FH: variants seen among roughly 807,000 people sequenced by gnomAD.
The protein encoded by FH is fumarate hydratase, mitochondrial.
In FH, 22 loss-of-function variants were observed where a neutral mutation model predicts 49.4. The observed-to-expected ratio is 0.45, with a 90% CI of 0.32 to 0.64. The LOEUF is 0.64. FH is among the 30% of genes least tolerant of loss of function. The pLI, the probability that FH is intolerant of heterozygous loss-of-function variation, is 0.05. For missense variants in FH, 526 were observed against 641.5 expected (o/e 0.82, Z 1.95); for synonymous variants, 208 against 223.0 (o/e 0.93, Z 0.60).
chr1:241,508,192 A>C (rs1056619004), intron 5 of FH, among the ~76,000 whole-genome samples: 1 of 152,214 alleles, frequency 6.6e-6, no homozygotes, highest in Non-Finnish European at 1.5e-5. Context: ...GGTAGCTAAC[A>C]TGAATGGGTA....
chr1:241,504,013 G>T (rs200550559), intron 7 of FH, 29 bp downstream of exon 7: 86 of 1,600,528 alleles, frequency 5.4e-5, no homozygotes, highest in Middle Eastern at 1.6e-4. Flanking sequence ...TCAAGTTTTA[G>T]CTCCAACATT....
At chr1:241,514,618 T>C (rs886989972) in intron 2 of FH, among the ~76,000 whole-genome samples, 1 of 152,122 alleles carries the variant, frequency 6.6e-6, no homozygotes, top group Non-Finnish European at 1.5e-5. Context: ...GAGAACCTGC[T>C]ATCTCTGGAA....
At chr1:241,516,498 G>A (rs1453119549) in intron 2 of FH, among the ~76,000 whole-genome samples, 1 of 152,112 alleles carries the variant, frequency 6.6e-6, no homozygotes, top group African/African-American at 2.4e-5. Context: ...GCACACAGGG[G>A]CCTGTGGGCG....
chr1:241,513,409 TC>T (rs1224166687), intron 3 of FH, among the ~76,000 whole-genome samples, 193 bp downstream of exon 3: 1 of 152,292 alleles, frequency 6.6e-6, no homozygotes, highest in Admixed American at 6.5e-5. Context: ...TATAAAATCA[TC>T]CAGAAATTTT....
intron 5 of FH, among the ~76,000 whole-genome samples, chr1:241,507,110 G>A (rs1034709016): frequency 1.3e-5 from 2 of 152,154 alleles, no homozygotes; most frequent in African/African-American, 2.4e-5. Context: ...TTCAGCCAAC[G>A]AAAGATCACA....
At chr1:241,516,980 A>T in intron 2 of FH, among the ~76,000 whole-genome samples, 1 of 152,226 alleles carries the variant, frequency 6.6e-6, no homozygotes, top group East Asian at 1.9e-4. Context: ...AAATATTCAA[A>T]GCGATGGCTC....
intron 1 of FH, among the ~76,000 whole-genome samples, chr1:241,517,566 A>G (rs2147925476): frequency 6.6e-6 from 1 of 152,322 alleles, no homozygotes; most frequent in East Asian, 1.9e-4. Flanking sequence ...GATAAACATA[A>G]AGACTTTGAA....
chr1:241,498,460 G>C (rs1426278392), intron 9 of FH, among the ~76,000 whole-genome samples: 1 of 151,622 alleles, frequency 6.6e-6, no homozygotes, highest in Non-Finnish European at 1.5e-5. Context: ...GGCGCAGGCA[G>C]GGCCTGGGGA....
chr1:241,513,201 CTGAT>C (rs1167491273), intron 3 of FH, among the ~76,000 whole-genome samples: 1 of 151,996 alleles, frequency 6.6e-6, no homozygotes, highest in East Asian at 1.9e-4. Context: ...TCTGTTACCT[CTGAT>C]TGCTTCTTTA....
chr1:241,511,877 T>A lies in FH; in HGVS notation c.555+90A>T. On this transcript the variant is annotated intron_variant, in intron 4 of 9. Transcript: ENST00000366560. ...TTATCCATTAAATAATGAACACTTC[T>A]TGTCAAAAAGTGAATGCTTGTTTTA... 3 of 1,284,568 alleles carry A rather than the reference T, an allele frequency of 2.3e-6. No homozygotes were observed. In the South Asian group the frequency reaches 3.6e-5, roughly 15 times the overall value. The allele number at this position is 1,284,568 out of a possible 1,614,324, so 79.6% of individuals were successfully genotyped here.
At chr1:241,512,577 T>C (rs1660115939) in intron 3 of FH, among the ~76,000 whole-genome samples, 1 of 152,194 alleles carries the variant, frequency 6.6e-6, no homozygotes, top group Non-Finnish European at 1.5e-5. Flanking sequence ...AATGTAGAAA[T>C]AAACGCTGCC....
chr1:241,513,489 A>C (rs1660140732), intron 3 of FH, 114 bp downstream of exon 3: 7 of 856,196 alleles, frequency 8.2e-6, no homozygotes, highest in African/African-American at 1.7e-5. Flanking sequence ...CCCTCCCCTG[A>C]AATTCATTAA....
At chr1:241,500,000 T>G (rs1659728192) in intron 9 of FH, among the ~76,000 whole-genome samples, 1 of 152,216 alleles carries the variant, frequency 6.6e-6, no homozygotes, top group African/African-American at 2.4e-5. Flanking sequence ...ACTTTCCATT[T>G]CTGAATTGAA....
intron 1 of FH, 144 bp from the exon 2 acceptor site, chr1:241,517,460 C>A: frequency 2.3e-6 from 2 of 879,166 alleles, no homozygotes; most frequent in Non-Finnish European, 3.5e-6. Context: ...TCATTCTCTT[C>A]CTCACTTTCA....
chr1:241,515,433 T>C (rs1015624320), intron 2 of FH, among the ~76,000 whole-genome samples: 1 of 152,092 alleles, frequency 6.6e-6, no homozygotes, highest in Non-Finnish European at 1.5e-5. Context: ...TTGAATAATA[T>C]GAGATTATTT....
chr1:241,519,381 C>T, intron 1 of FH: 1 of 575,594 alleles, frequency 1.7e-6, no homozygotes, highest in East Asian at 3.5e-5. Context: ...CCTCCCCAAG[C>T]GCTCTCCCGG....
intron 2 of FH, 48 bp from the exon 3 acceptor site, chr1:241,513,761 ATGG>A (rs752087460): frequency 6.8e-6 from 10 of 1,481,156 alleles, no homozygotes; most frequent in Non-Finnish European, 9.4e-7. Flanking sequence ...TTACTTAAGC[ATGG>A]AAGTTTATTA....
chr1:241,499,321 T>C (rs573758661), intron 9 of FH, among the ~76,000 whole-genome samples: 2 of 152,210 alleles, frequency 1.3e-5, no homozygotes, highest in African/African-American at 4.8e-5. Flanking sequence ...GATTTGCCAA[T>C]CATTCAACTT....
At chr1:241,505,917 A>G in intron 6 of FH, 86 bp downstream of exon 6, 2 of 1,226,630 alleles carry the variant, frequency 1.6e-6, no homozygotes, top group East Asian at 4.7e-5. Context: ...TAAATTCACA[A>G]GAATTCAAGA....
Sources: gnomAD v4.1 joint callset for allele counts (sites outside exome capture counted in the v4.1 genomes callset) on GRCh38, gnomAD v4.1.1 for gene constraint, MANE v1.5 for transcripts, NCBI Gene and HGNC (gene_info 2026-07-23, HGNC 2026-07-21) for gene names.